CMC1: variants seen among roughly 807,000 people sequenced by gnomAD.
CMC1 encodes the protein COX assembly mitochondrial protein homolog.
In CMC1, 14 loss-of-function variants were observed where a neutral mutation model predicts 14.1. That is an observed-to-expected ratio of 0.99 (90% confidence interval 0.66 to 1.55). CMC1 has a LOEUF of 1.55. Among genes scored for constraint, CMC1 ranks in the 40% most tolerant of loss-of-function variants. The pLI, the probability that CMC1 is intolerant of heterozygous loss-of-function variation, is 0.00. For missense variants in CMC1, 127 were observed against 123.8 expected (o/e 1.03, Z -0.12); for synonymous variants, 50 against 38.4 (o/e 1.30, Z -1.12).
At chr3:28,289,172 G>A (rs1701344888) in intron 2 of CMC1, among the ~76,000 whole-genome samples, 2 of 151,346 alleles carry the variant, frequency 1.3e-5, no homozygotes, top group African/African-American at 4.8e-5. Context: ...TTAGAGTTAT[G>A]TTTCAATATA....
rs1016881406 is a variant in CMC1 at position 28,320,351 on chromosome 3, A to C, written c.*722A>C. 1.3e-5 allele frequency: 2 copies of C among 151,536 alleles called. No individual in the cohort carries two copies. The highest frequency in any genetic ancestry group is 6.6e-5 in the Admixed American group (1 of 15,138). The allele number at this position is 151,536 out of a possible 1,614,324, so 9.4% of individuals were successfully genotyped here. On this transcript the variant is annotated 3_prime_UTR_variant, in exon 4 of 4. Coordinates refer to ENST00000466830, the MANE Select transcript of CMC1 (RefSeq NM_182523.2). ...CCAGCAGCTTCTGGCAAGGGTTTTC[A>C]TACTGCATCAAAACATAATAGGGTG...
At chr3:28,296,600 C>T (rs1701751111) in intron 2 of CMC1, among the ~76,000 whole-genome samples, 1 of 151,810 alleles carries the variant, frequency 6.6e-6, no homozygotes, top group Non-Finnish European at 1.5e-5. Context: ...AACAGGATTT[C>T]CAGATCCTGA....
At chr3:28,247,854 C>G (rs1698907005) in intron 1 of CMC1, among the ~76,000 whole-genome samples, 1 of 148,346 alleles carries the variant, frequency 6.7e-6, no homozygotes, top group African/African-American at 2.5e-5. Flanking sequence ...CTAAGCTGTA[C>G]TTTTTTTTTT....
chr3:28,268,322 G>A lies in CMC1; in HGVS notation c.109+4942G>A, dbSNP rs72897852. ...CATATGGGAAAGTTCAGAAGAAACCGTGGCACAAGCTCCATGAGTCTTCTC... is the reference window on the plus strand; with the variant it reads ...CATATGGGAAAGTTCAGAAGAAACCATGGCACAAGCTCCATGAGTCTTCTC... On this transcript the variant is annotated intron_variant, in intron 2 of 3. Transcript: ENST00000466830. Among the ~76,000 whole-genome samples the A allele has an allele frequency of 5.6e-3, 849 of 152,270 alleles. 4 individuals carry two copies. Among genetic ancestry groups the A allele is most frequent in the African/African-American group, 0.019 (799 of 41,562 alleles).
At chr3:28,252,492 C>T (rs34017994) in intron 1 of CMC1, among the ~76,000 whole-genome samples, 32,967 of 152,110 alleles carry the variant, frequency 0.22, 3,735 homozygotes, top group Middle Eastern at 0.28. Flanking sequence ...AAATTGCTCC[C>T]CTTGCTTTTA....
intron 1 of CMC1, among the ~76,000 whole-genome samples, chr3:28,261,263 T>G (rs908494119): frequency 1.3e-5 from 2 of 152,172 alleles, no homozygotes; most frequent in African/African-American, 4.8e-5. Flanking sequence ...TATCTCCCAT[T>G]CTTCATGCTT....
At chr3:28,269,948 A>T (rs922248238) in intron 2 of CMC1, among the ~76,000 whole-genome samples, 5 of 152,060 alleles carry the variant, frequency 3.3e-5, no homozygotes, top group Non-Finnish European at 5.9e-5. Context: ...AACAGACCCC[A>T]GTGAGTGTTG....
intron 2 of CMC1, among the ~76,000 whole-genome samples, chr3:28,275,288 G>GATGCTGTT: frequency 7.0e-6 from 1 of 142,626 alleles, no homozygotes; most frequent in East Asian, 2.1e-4. Flanking sequence ...CCTTTTTGTT[G>GATGCTGTT]ATGCTGTTAT....
intron 2 of CMC1, among the ~76,000 whole-genome samples, chr3:28,272,902 G>A (rs1475904878): frequency 6.6e-6 from 1 of 151,986 alleles, no homozygotes. Context: ...GGCCAGGCTG[G>A]TCTCAAACTC....
At position 28,325,076 on chromosome 3, in the gene CMC1, G is replaced by A. The variant is rs1349334221; in HGVS notation, c.*5447G>A. 1 of 137,788 alleles carries A rather than the reference G, an allele frequency of 7.3e-6. No individual in the cohort carries two copies. Among genetic ancestry groups the A allele is most frequent in the African/African-American group, 2.7e-5 (1 of 37,060 alleles). The allele number at this position is 137,788 out of a possible 1,614,324, so 8.5% of individuals were successfully genotyped here. A position where few individuals can be genotyped will look rare whatever the true frequency, so the allele number is the denominator to read the frequency against. On this transcript the variant is annotated 3_prime_UTR_variant, in exon 4 of 4. Coordinates refer to ENST00000466830, the MANE Select transcript of CMC1 (RefSeq NM_182523.2). ...TAAAATTTGTGAAATCTTGTTTCTT[G>A]TAAAACACAGCAAATGTTAATGCTA... is the stretch of plus-strand genomic sequence containing the variant.
At chr3:28,271,787 A>T (rs1700308217) in intron 2 of CMC1, among the ~76,000 whole-genome samples, 1 of 152,142 alleles carries the variant, frequency 6.6e-6, no homozygotes, top group Non-Finnish European at 1.5e-5. Context: ...GTGTAATGGG[A>T]ATAGCATTGA....
At chr3:28,250,646 GCAAAA>G (rs892716028) in intron 1 of CMC1, among the ~76,000 whole-genome samples, 2 of 152,158 alleles carry the variant, frequency 1.3e-5, no homozygotes, top group African/African-American at 4.8e-5. Context: ...CACTAGGTTG[GCAAAA>G]TGAAGGTTTA....
intron 2 of CMC1, among the ~76,000 whole-genome samples, chr3:28,308,838 C>T (rs987061149): frequency 6.6e-6 from 1 of 152,124 alleles, no homozygotes; most frequent in African/African-American, 2.4e-5. Flanking sequence ...AAAAAATTAG[C>T]CCTGTGTGGT....
intron 1 of CMC1, 163 bp from the exon 2 acceptor site, chr3:28,263,128 A>C (rs968971297): frequency 1.8e-6 from 1 of 564,252 alleles, no homozygotes; most frequent in Non-Finnish European, 3.1e-6. Flanking sequence ...AAACATTGCA[A>C]ATAGGATGAG....
At chr3:28,308,064 T>G (rs1226343011) in intron 2 of CMC1, among the ~76,000 whole-genome samples, 2 of 152,226 alleles carry the variant, frequency 1.3e-5, no homozygotes, top group African/African-American at 4.8e-5. Context: ...TGTGATTACT[T>G]TGGGCCTTCC....
In CMC1 at chr3:28,274,206, G is replaced by GTTTTTTTTTTTT. The variant is rs1265139321; in HGVS notation, c.109+10831_109+10832insTTTTTTTTTTTT. On this transcript the variant is annotated intron_variant, in intron 2 of 3. Transcript: ENST00000466830. ...GTGTCATTGGTCTTTGTACTAAAGTGTTTTTGTTTTTTTCTTTTTTTTTTT... is the reference window on the plus strand; with the variant it reads ...GTGTCATTGGTCTTTGTACTAAAGTGTTTTTTTTTTTTTTTTTGTTTTTTTCTTTTTTTTTTT... Among the ~76,000 whole-genome samples, 816 of 82,794 alleles carry GTTTTTTTTTTTT rather than the reference G, an allele frequency of 9.9e-3. 73 individuals carry two copies. Among genetic ancestry groups the GTTTTTTTTTTTT allele is most frequent in the East Asian group, 0.047 (104 of 2,200 alleles). 54.3% of individuals were successfully genotyped at this position (82,794 alleles called of 152,430 possible).
At chr3:28,241,942 T>A in intron 1 of CMC1, 130 bp downstream of exon 1, 6 of 972,204 alleles carry the variant, frequency 6.2e-6, no homozygotes, top group Non-Finnish European at 8.0e-6. Context: ...CAGCGTCTCC[T>A]CATACCCGGC....
At chr3:28,293,322 C>T (rs5003242) in intron 2 of CMC1, among the ~76,000 whole-genome samples, 35,192 of 143,338 alleles carry the variant, frequency 0.25, 4,394 homozygotes, top group Middle Eastern at 0.3. Context: ...TTTTTTTTTT[C>T]GAGTGGCTGG....
intron 2 of CMC1, among the ~76,000 whole-genome samples, chr3:28,305,940 A>G (rs1702285666): frequency 6.6e-6 from 1 of 151,842 alleles, no homozygotes; most frequent in African/African-American, 2.4e-5. Flanking sequence ...TATTGAATAA[A>G]GTATCCTCTC....
Sources: gnomAD v4.1 joint callset for allele counts (sites outside exome capture counted in the v4.1 genomes callset) on GRCh38, gnomAD v4.1.1 for gene constraint, MANE v1.5 for transcripts, NCBI Gene and HGNC (gene_info 2026-07-23, HGNC 2026-07-21) for gene names.